The following SND1 variants were observed in gnomAD, a reference collection of about 807,000 sequenced individuals.
SND1 encodes the protein staphylococcal nuclease domain-containing protein 1.
Under a neutral mutation model 121.7 loss-of-function variants are expected in SND1, and 38 were observed. The ratio of observed to expected loss-of-function variants is 0.31; its 90% confidence interval spans 0.24 to 0.41. The LOEUF (loss-of-function observed/expected upper bound fraction) is 0.41, where lower values mean the gene tolerates loss of function less well. Ranked by LOEUF, SND1 falls within the 10% of genes least tolerant of loss-of-function variation. The probability of loss-of-function intolerance (pLI) is 1.00; values close to 1 mark genes in which losing one functional copy is unlikely to be tolerated. For missense variants in SND1, 868 were observed against 1,184.6 expected, an observed-to-expected ratio of 0.73 and a Z score of 3.92; for synonymous variants, 401 against 447.4, an observed-to-expected ratio of 0.90 and a Z score of 1.31.
At chr7:127,862,761 G>T (rs1401634556) in intron 12 of SND1, among the ~76,000 whole-genome samples, 3 of 150,440 alleles carry the variant, frequency 2.0e-5, no homozygotes, top group Non-Finnish European at 4.4e-5. Flanking sequence ...GGATGGATGG[G>T]TGCTCTCCCA....
chr7:127,851,984 CCT>C (rs1428438411), intron 12 of SND1, among the ~76,000 whole-genome samples: 1 of 151,972 alleles, frequency 6.6e-6, no homozygotes, highest in East Asian at 1.9e-4. Flanking sequence ...TGGCGAAACC[CCT>C]GTCTCAATTA....
intron 1 of SND1, among the ~76,000 whole-genome samples, chr7:127,657,602 C>T (rs993109753): frequency 1.8e-4 from 27 of 152,270 alleles, no homozygotes; most frequent in African/African-American, 5.8e-4. Context: ...AAGGGATCCT[C>T]CTGCCTCAGC....
intron 1 of SND1, among the ~76,000 whole-genome samples, chr7:127,676,647 T>TAAGA (rs1795621508): frequency 1.3e-5 from 2 of 152,236 alleles, no homozygotes; most frequent in African/African-American, 2.4e-5. Flanking sequence ...GTGGGTATCT[T>TAAGA]AACTGATAAA....
chr7:127,653,316 A>G (rs1795155535), intron 1 of SND1, among the ~76,000 whole-genome samples: 1 of 152,178 alleles, frequency 6.6e-6, no homozygotes, highest in Non-Finnish European at 1.5e-5. Flanking sequence ...ACTTGCCCCC[A>G]GTTGTCCTCC....
chr7:127,945,379 T>C (rs767427141), intron 15 of SND1, among the ~76,000 whole-genome samples: 1 of 151,928 alleles, frequency 6.6e-6, no homozygotes, highest in African/African-American at 2.4e-5. Flanking sequence ...TAGTCCCAGC[T>C]ACTTGGTAGG....
rs191098179 is a variant in SND1 at position 127,917,738 on chromosome 7, T to A, written c.1528-11450T>A. Among the ~76,000 whole-genome samples the A allele has an allele frequency of 5.1e-4, 77 of 152,256 alleles. 1 individual carries two copies. The highest frequency in any genetic ancestry group is 1.7e-3 in the African/African-American group (70 of 41,552). On this transcript the variant is annotated intron_variant, in intron 14 of 23. Coordinates refer to ENST00000354725, the MANE Select transcript of SND1 (RefSeq NM_014390.4). ...GCACGCAGCCACATTAAACTCTTAG[T>A]CCTTAGAAACAGGCTACTTAGTTTG...
chr7:127,702,787 A>G (rs1487628931), intron 6 of SND1, among the ~76,000 whole-genome samples: 1 of 152,168 alleles, frequency 6.6e-6, no homozygotes, highest in Admixed American at 6.5e-5. Flanking sequence ...AAATGGAACA[A>G]TGAGAGGCTA....
At chr7:127,935,541 T>G (rs1801043714) in intron 15 of SND1, among the ~76,000 whole-genome samples, 2 of 152,182 alleles carry the variant, frequency 1.3e-5, no homozygotes, top group South Asian at 4.1e-4. Flanking sequence ...TGCACAGGGA[T>G]AATGAATGGA....
intron 10 of SND1, among the ~76,000 whole-genome samples, chr7:127,774,094 A>T (rs1482335268): frequency 6.6e-6 from 1 of 152,154 alleles, no homozygotes. Flanking sequence ...TTGAAAAGTT[A>T]ACTATAAAAC....
intron 15 of SND1, among the ~76,000 whole-genome samples, chr7:127,946,121 C>T (rs1221862522): frequency 1.3e-5 from 2 of 152,114 alleles, no homozygotes; most frequent in African/African-American, 4.8e-5. Context: ...GTGGCAGTGA[C>T]CCTAAGTAGG....
chr7:127,716,835 G>T (rs934322215), intron 9 of SND1, among the ~76,000 whole-genome samples: 1 of 152,126 alleles, frequency 6.6e-6, no homozygotes. Context: ...AATATGGAGA[G>T]AATCAAAAAA....
chr7:127,858,241 G>A (rs1284687997), intron 12 of SND1: 1 of 772,782 alleles, frequency 1.3e-6, no homozygotes, highest in Admixed American at 1.9e-5. Flanking sequence ...GGTTTCCCTG[G>A]GCCACCATCT....
chr7:127,653,205 C>T (rs941247611), intron 1 of SND1, among the ~76,000 whole-genome samples: 1 of 152,204 alleles, frequency 6.6e-6, no homozygotes, highest in Non-Finnish European at 1.5e-5. Flanking sequence ...ATACCCTCAA[C>T]TTTTTGAAAA....
chr7:127,657,841 C>T (rs1291122738), intron 1 of SND1, among the ~76,000 whole-genome samples: 1 of 152,140 alleles, frequency 6.6e-6, no homozygotes, highest in Non-Finnish European at 1.5e-5. Context: ...TCTTCAGTTC[C>T]TTCACGTTCA....
intron 17 of SND1, among the ~76,000 whole-genome samples, chr7:128,080,819 C>A (rs1178271736): frequency 2.6e-5 from 4 of 151,884 alleles, no homozygotes; most frequent in African/African-American, 9.7e-5. Context: ...TAATAAATTC[C>A]CTTGTTGGTT....
chr7:127,913,501 G>A (rs1205504818), intron 14 of SND1, among the ~76,000 whole-genome samples: 1 of 152,142 alleles, frequency 6.6e-6, no homozygotes, highest in African/African-American at 2.4e-5. Context: ...AGTTCCTCTG[G>A]CCATAGATTT....
intron 10 of SND1, among the ~76,000 whole-genome samples, chr7:127,759,757 A>G (rs937930097): frequency 6.6e-5 from 10 of 151,994 alleles, no homozygotes; most frequent in Admixed American, 6.6e-5. Flanking sequence ...ATCCACACCA[A>G]CACCTCCAGT....
At chr7:127,736,328 C>T (rs1028391284) in intron 10 of SND1, among the ~76,000 whole-genome samples, 3 of 152,164 alleles carry the variant, frequency 2.0e-5, no homozygotes, top group Non-Finnish European at 4.4e-5. Context: ...ATCGCAAGGC[C>T]TTCTCACTAG....
chr7:127,908,311 A>C (rs1800383583), intron 14 of SND1, among the ~76,000 whole-genome samples: 1 of 133,610 alleles, frequency 7.5e-6, no homozygotes, highest in East Asian at 2.4e-4. Context: ...AAAAAAAATA[A>C]TAATAAATGT....
Sources: allele counts gnomAD v4.1 joint callset (sites outside exome capture counted in the v4.1 genomes callset), GRCh38; gene constraint gnomAD v4.1.1; transcripts MANE v1.5; gene names NCBI Gene and HGNC (gene_info 2026-07-23, HGNC 2026-07-21).